The following ROBO1 variants were observed in gnomAD, a reference collection of about 807,000 sequenced individuals.
ROBO1 encodes the protein roundabout homolog 1.
In ROBO1, 149 loss-of-function variants were observed where a neutral mutation model predicts 195.9. That is an observed-to-expected ratio of 0.76 (90% CI 0.67 to 0.87). ROBO1 has a LOEUF of 0.87. Ranked by LOEUF, ROBO1 falls within the 40% of genes least tolerant of loss-of-function variation. The pLI, the probability that ROBO1 is intolerant of heterozygous loss-of-function variation, is 0.00. For missense variants in ROBO1, 1,933 were observed against 2,068.3 expected, an observed-to-expected ratio of 0.93 and a Z score of 1.27; for synonymous variants, 816 against 733.2, an observed-to-expected ratio of 1.11 and a Z score of -1.82.
At chr3:78,643,169 T>C (rs1029205976) in intron 21 of ROBO1, among the ~76,000 whole-genome samples, 1 of 152,180 alleles carries the variant, frequency 6.6e-6, no homozygotes, top group Non-Finnish European at 1.5e-5. Context: ...AAGGACCAGA[T>C]AGTAACATTT....
Position 78,627,594 on chromosome 3 carries a change from A to C in ROBO1, c.3627-25T>G, listed in dbSNP as rs762613168. On this transcript the variant is annotated intron_variant, in intron 25 of 30. Transcript: ENST00000464233. ...GCTAAAATAAATGATAAGGATGTGT[A>C]GACTTACTTCAGGTTATTCAAATAA... 1.9e-6 allele frequency: 3 copies of C among 1,586,688 alleles called. No individual in the cohort carries two copies. In the Admixed American group the frequency reaches 5.2e-5, roughly 28 times the overall value.
chr3:78,960,779 AACACACACACACACACAC>A (rs751349324), intron 3 of ROBO1, among the ~76,000 whole-genome samples: 77 of 124,596 alleles, frequency 6.2e-4, no homozygotes, highest in Middle Eastern at 4.1e-3. Context: ...TCCGTATTAA[AACACACACACACACACAC>A]ACACACACAC....
intron 1 of ROBO1, among the ~76,000 whole-genome samples, chr3:79,734,033 C>T (rs900985789): frequency 1.3e-5 from 2 of 151,778 alleles, no homozygotes; most frequent in Non-Finnish European, 2.9e-5. Context: ...CTGCAACCTC[C>T]GCCTCCCGGG....
chr3:78,755,168 G>C (rs965352721), intron 4 of ROBO1, among the ~76,000 whole-genome samples: 1 of 152,118 alleles, frequency 6.6e-6, no homozygotes, highest in Non-Finnish European at 1.5e-5. Context: ...AATGGAGAGG[G>C]AAGTAATAAT....
intron 3 of ROBO1, among the ~76,000 whole-genome samples, chr3:79,062,114 T>A (rs1473887679): frequency 6.6e-6 from 1 of 151,054 alleles, no homozygotes; most frequent in East Asian, 2.0e-4. Flanking sequence ...CACAAAGGGC[T>A]AATATCCAGA....
intron 3 of ROBO1, among the ~76,000 whole-genome samples, chr3:79,001,940 T>C (rs940532966): frequency 2.6e-5 from 4 of 152,172 alleles, no homozygotes; most frequent in Admixed American, 6.6e-5. Flanking sequence ...TGCTTTTTTT[T>C]AGAAAGTTAA....
At chr3:79,163,311 A>T (rs2081006338) in intron 2 of ROBO1, among the ~76,000 whole-genome samples, 1 of 152,098 alleles carries the variant, frequency 6.6e-6, no homozygotes, top group Admixed American at 6.6e-5. Context: ...ATTTTTACTT[A>T]GTATAATGTT....
chr3:79,077,840 T>G (rs1011955368), intron 3 of ROBO1, among the ~76,000 whole-genome samples: 1 of 151,902 alleles, frequency 6.6e-6, no homozygotes. Context: ...ATTTTTGTTG[T>G]CTTGTGCTAT....
chr3:79,752,080 A>C (rs1704152168), intron 1 of ROBO1, among the ~76,000 whole-genome samples: 3 of 152,162 alleles, frequency 2.0e-5, no homozygotes. Flanking sequence ...ACACATTTTT[A>C]TCTGATACAA....
intron 3 of ROBO1, among the ~76,000 whole-genome samples, chr3:78,960,158 C>G (rs1381755098): frequency 1.3e-5 from 2 of 152,008 alleles, no homozygotes; most frequent in African/African-American, 4.8e-5. Context: ...GCATGGGTGA[C>G]ACGGCAAAAT....
Position 78,957,086 on chromosome 3 carries a change from G to A in ROBO1, c.173-18159C>T, listed in dbSNP as rs184598015. Among the ~76,000 whole-genome samples the A allele has an allele frequency of 5.3e-5, 8 of 152,096 alleles. No homozygotes were observed. In the South Asian group the frequency reaches 8.3e-4, roughly 16 times the overall value. The stretch of plus-strand genomic sequence containing the variant: ...GTTTCCTTCTCTATAAGTGTGTGTC[G>A]TTTCTAAATAATCCACGATCTTCTG... On this transcript the variant is annotated intron_variant, in intron 3 of 30. Transcript: ENST00000464233.
In ROBO1 at chr3:78,675,236, C is replaced by T. The variant is rs552222820; in HGVS notation, c.1343-4935G>A. Among the ~76,000 whole-genome samples, 189 of 151,488 alleles carry T rather than the reference C, an allele frequency of 1.2e-3. 4 individuals carry two copies. Among genetic ancestry groups the T allele is most frequent in the Admixed American group, 4.9e-3 (74 of 15,214 alleles). On this transcript the variant is annotated intron_variant, in intron 10 of 30. Coordinates refer to ENST00000464233, the MANE Select transcript of ROBO1 (RefSeq NM_002941.4). ...TCCAGTCTACAGCTCCCAGCGTGAG[C>T]GACGCAGAAGATGGGTGATTTCTGC...
At chr3:78,622,552 C>T (rs1450772945) in intron 26 of ROBO1, among the ~76,000 whole-genome samples, 1 of 152,130 alleles carries the variant, frequency 6.6e-6, no homozygotes, top group African/African-American at 2.4e-5. Flanking sequence ...AGACTGTATT[C>T]TACAAAATGT....
At chr3:78,895,579 C>G (rs2037176975) in intron 4 of ROBO1, among the ~76,000 whole-genome samples, 1 of 152,178 alleles carries the variant, frequency 6.6e-6, no homozygotes, top group Non-Finnish European at 1.5e-5. Flanking sequence ...TCTTATTTAA[C>G]TGGATGACCA....
At chr3:78,712,478 T>C (rs9839459) in intron 8 of ROBO1, among the ~76,000 whole-genome samples, 5,955 of 152,274 alleles carry the variant, frequency 0.039, 389 homozygotes, top group African/African-American at 0.14. Flanking sequence ...AATGTTTTTT[T>C]CTTATTTATC....
At chr3:79,595,871 A>G (rs997446742) in intron 1 of ROBO1, among the ~76,000 whole-genome samples, 6 of 151,828 alleles carry the variant, frequency 4.0e-5, no homozygotes, top group African/African-American at 1.2e-4. Flanking sequence ...AGTCTTAATA[A>G]AGAGAATAAC....
intron 3 of ROBO1, among the ~76,000 whole-genome samples, chr3:78,941,592 T>C (rs2040146459): frequency 6.6e-6 from 1 of 152,116 alleles, no homozygotes. Context: ...CCACCGAAGA[T>C]TGCCTGAGCA....
chr3:79,634,114 A>G (rs1047732838), intron 1 of ROBO1, among the ~76,000 whole-genome samples: 3 of 152,214 alleles, frequency 2.0e-5, no homozygotes, highest in Non-Finnish European at 4.4e-5. Context: ...TGTTGCTAAT[A>G]ATTGTGAACA....
At chr3:78,923,834 G>A (rs781563877) in intron 4 of ROBO1, among the ~76,000 whole-genome samples, 1 of 152,118 alleles carries the variant, frequency 6.6e-6, no homozygotes, top group African/African-American at 2.4e-5. Flanking sequence ...CGAAGGAGGC[G>A]ATGCAAACAG....
Sources: allele counts gnomAD v4.1 joint callset (sites outside exome capture counted in the v4.1 genomes callset), GRCh38; gene constraint gnomAD v4.1.1; transcripts MANE v1.5; gene names NCBI Gene and HGNC (gene_info 2026-07-23, HGNC 2026-07-21).